The following RNGTT variants were observed in gnomAD, a reference collection of about 807,000 sequenced individuals.
RNGTT encodes the protein mRNA-capping enzyme.
RNGTT carries 33 observed loss-of-function variants against 79.3 expected under a neutral mutation model. That is an observed-to-expected ratio of 0.42 (90% CI 0.32 to 0.56). The LOEUF (loss-of-function observed/expected upper bound fraction) is 0.56, where lower values mean the gene tolerates loss of function less well. RNGTT is among the 20% of genes least tolerant of loss of function. The probability of loss-of-function intolerance (pLI) is 0.17; values close to 1 mark genes in which losing one functional copy is unlikely to be tolerated. For missense variants in RNGTT, 497 were observed against 739.1 expected (o/e 0.67, Z 3.80); for synonymous variants, 222 against 235.9 (o/e 0.94, Z 0.54).
At chr6:88,835,015 G>T (rs1328990662) in intron 11 of RNGTT, among the ~76,000 whole-genome samples, 3 of 152,094 alleles carry the variant, frequency 2.0e-5, no homozygotes, top group Non-Finnish European at 2.9e-5. Flanking sequence ...TTAGAAAGGA[G>T]ATCTTAACAT....
chr6:88,869,739 T>C (rs1236423641), intron 8 of RNGTT, among the ~76,000 whole-genome samples: 2 of 152,120 alleles, frequency 1.3e-5, no homozygotes, highest in African/African-American at 4.8e-5. Context: ...CTAATACTAC[T>C]GAGACTATAA....
At chr6:88,937,124 C>T (rs996031874) in intron 2 of RNGTT, among the ~76,000 whole-genome samples, 7 of 152,144 alleles carry the variant, frequency 4.6e-5, no homozygotes, top group South Asian at 2.1e-4. Flanking sequence ...GGGCAGATCA[C>T]GTGAGGTCAG....
At chr6:88,927,490 C>T (rs1469906937) in intron 4 of RNGTT, among the ~76,000 whole-genome samples, 1 of 152,094 alleles carries the variant, frequency 6.6e-6, no homozygotes, top group Non-Finnish European at 1.5e-5. Flanking sequence ...TGGAGAAACC[C>T]TGTCTCTACT....
intron 12 of RNGTT, among the ~76,000 whole-genome samples, chr6:88,789,535 G>A (rs1562253853): frequency 6.6e-6 from 1 of 152,210 alleles, no homozygotes; most frequent in Non-Finnish European, 1.5e-5. Flanking sequence ...ACTACAGCCT[G>A]GGCGACAAAG....
At chr6:88,946,626 C>T (rs1453753039) in intron 1 of RNGTT, among the ~76,000 whole-genome samples, 1 of 64,118 alleles carries the variant, frequency 1.6e-5, no homozygotes, top group Non-Finnish European at 3.1e-5. Context: ...TCGACAGCAG[C>T]TCTCCCTCTC....
intron 1 of RNGTT, among the ~76,000 whole-genome samples, chr6:88,954,541 G>C (rs1227876500): frequency 6.6e-6 from 1 of 152,032 alleles, no homozygotes; most frequent in Non-Finnish European, 1.5e-5. Context: ...AATAGTGGGG[G>C]ACTTCAATAC....
chr6:88,694,642 T>C (rs560113892), intron 13 of RNGTT, among the ~76,000 whole-genome samples: 1 of 152,082 alleles, frequency 6.6e-6, no homozygotes, highest in South Asian at 2.1e-4. Context: ...CCAAGGCAAT[T>C]TTGAGCAAAA....
At chr6:88,750,622 G>A (rs1777809570) in intron 13 of RNGTT, among the ~76,000 whole-genome samples, 1 of 152,070 alleles carries the variant, frequency 6.6e-6, no homozygotes, top group African/African-American at 2.4e-5. Flanking sequence ...CCTTACTCTG[G>A]CTTTCCTGAT....
chr6:88,761,057 A>ACACT (rs1778215799), intron 13 of RNGTT, among the ~76,000 whole-genome samples: 1 of 149,150 alleles, frequency 6.7e-6, no homozygotes, highest in African/African-American at 2.5e-5. Context: ...ACACACATAC[A>ACACT]CTCTAGTCAG....
At chr6:88,702,830 T>C (rs1775991522) in intron 13 of RNGTT, among the ~76,000 whole-genome samples, 1 of 152,090 alleles carries the variant, frequency 6.6e-6, no homozygotes, top group African/African-American at 2.4e-5. Context: ...CCGGAATCTA[T>C]CAGTAACTGA....
At chr6:88,931,796 G>T (rs1465101436) in intron 2 of RNGTT, among the ~76,000 whole-genome samples, 1 of 152,180 alleles carries the variant, frequency 6.6e-6, no homozygotes, top group African/African-American at 2.4e-5. Flanking sequence ...AATATAAATT[G>T]TAAAATTCCT....
At chr6:88,846,103 T>C (rs1781474258) in intron 10 of RNGTT, among the ~76,000 whole-genome samples, 1 of 152,100 alleles carries the variant, frequency 6.6e-6, no homozygotes, top group African/African-American at 2.4e-5. Flanking sequence ...ACTTCAAGAA[T>C]AGACTGAAAG....
chr6:88,625,149 A>G (rs947557199), intron 14 of RNGTT, among the ~76,000 whole-genome samples: 1 of 152,004 alleles, frequency 6.6e-6, no homozygotes, highest in Non-Finnish European at 1.5e-5. Flanking sequence ...TTGTATAACC[A>G]TGTTGGAAAA....
intron 11 of RNGTT, among the ~76,000 whole-genome samples, chr6:88,812,652 A>G (rs1007409428): frequency 1.1e-4 from 16 of 152,244 alleles, no homozygotes; most frequent in African/African-American, 3.6e-4. Context: ...TGAACTGGAC[A>G]GGGTATACAG....
intron 14 of RNGTT, among the ~76,000 whole-genome samples, chr6:88,668,933 T>C (rs948128162): frequency 3.9e-5 from 6 of 152,166 alleles, no homozygotes; most frequent in Admixed American, 6.5e-5. Context: ...TATGGTATTA[T>C]TGAATGTAGT....
At chr6:88,748,616 T>C (rs1341988217) in intron 13 of RNGTT, among the ~76,000 whole-genome samples, 1 of 152,160 alleles carries the variant, frequency 6.6e-6, no homozygotes, top group Non-Finnish European at 1.5e-5. Context: ...ATGTTTATTG[T>C]CTGTCTCTCT....
chr6:88,848,174 C>T (rs548949587), intron 10 of RNGTT, among the ~76,000 whole-genome samples: 13 of 151,506 alleles, frequency 8.6e-5, no homozygotes, highest in Non-Finnish European at 1.6e-4. Flanking sequence ...ATTTCACACA[C>T]ATCAAATTGG....
rs1284326504 is a variant in RNGTT, at chr6:88,878,918, T to C, written c.896+11577A>G. ...CCAGAGACATCTGAAACCTCTTTAA[T>C]ATTCTCCTCAGCATGTAAAACTTTT... On this transcript the variant is annotated intron_variant, in intron 8 of 15. Transcript: ENST00000369485. 2.6e-5 allele frequency among the ~76,000 whole-genome samples: 4 copies of C among 152,220 alleles called. No individual in the cohort carries two copies. In the East Asian group the frequency reaches 7.7e-4, roughly 29 times the overall value.
chr6:88,749,516 G>A (rs1438812801), intron 13 of RNGTT, among the ~76,000 whole-genome samples: 1 of 150,802 alleles, frequency 6.6e-6, no homozygotes, highest in Non-Finnish European at 1.5e-5. Context: ...CAAGAAAGAG[G>A]GAAAAGTATA....
Sources: allele counts gnomAD v4.1 joint callset (sites outside exome capture counted in the v4.1 genomes callset), GRCh38; gene constraint gnomAD v4.1.1; transcripts MANE v1.5; gene names NCBI Gene and HGNC (gene_info 2026-07-23, HGNC 2026-07-21).